Variants in SUSD4 observed in about 807,000 individuals in gnomAD.
SUSD4 encodes sushi domain-containing protein 4.
Under a neutral mutation model 50.5 loss-of-function variants are expected in SUSD4, and 41 were observed. The observed-to-expected ratio is 0.81, with a 90% CI of 0.63 to 1.05. SUSD4 has a LOEUF of 1.05. Among genes scored for constraint, SUSD4 ranks in the 50% least tolerant of loss-of-function variants. The pLI, the probability that SUSD4 is intolerant of heterozygous loss-of-function variation, is 0.00. For synonymous variants in SUSD4, 257 were observed against 257.3 expected (o/e 1.00, Z 0.01); for missense variants, 580 against 634.7 (o/e 0.91, Z 0.93).
At chr1:223,346,033 G>T (rs904128260) in intron 2 of SUSD4, among the ~76,000 whole-genome samples, 1 of 152,188 alleles carries the variant, frequency 6.6e-6, no homozygotes. Context: ...GTTGCTCAGA[G>T]TCAGCCCTAC....
chr1:223,230,503 G>A (rs928878220), intron 5 of SUSD4: 2 of 152,302 alleles, frequency 1.3e-5, no homozygotes. Context: ...GCCAGAAGAG[G>A]TGCCCTCTCC....
At chr1:223,336,988 T>C (rs1022722059) in intron 2 of SUSD4, among the ~76,000 whole-genome samples, 2 of 152,164 alleles carry the variant, frequency 1.3e-5, no homozygotes, top group Non-Finnish European at 2.9e-5. Context: ...ACCACCAGCT[T>C]TCCCACAGGA....
At chr1:223,298,434 A>G (rs1316985029) in intron 2 of SUSD4, among the ~76,000 whole-genome samples, 1 of 152,066 alleles carries the variant, frequency 6.6e-6, no homozygotes, top group African/African-American at 2.4e-5. Flanking sequence ...ACTTCCCCCA[A>G]TCCACAGCTC....
intron 2 of SUSD4, among the ~76,000 whole-genome samples, chr1:223,317,695 C>A (rs1015663101): frequency 6.6e-6 from 1 of 152,016 alleles, no homozygotes; most frequent in African/African-American, 2.4e-5. Context: ...TTCTCTTTTA[C>A]TCCCAAAAGG....
In SUSD4 at chr1:223,332,468, AG is replaced by A. The variant is rs1345939398; in HGVS notation, c.148+30809del. ...GTATCTGTAACAATTTTCAGGCACT[AG>A]CATTACCTAACACCAGCTTTCCTAG... On this transcript the variant is annotated intron_variant, in intron 2 of 8. Coordinates refer to ENST00000366878, the MANE Select transcript of SUSD4 (RefSeq NM_017982.4). The surrounding 1 kb of genome is among the most constrained non-coding windows in gnomAD (Gnocchi z 4.0). Among the ~76,000 whole-genome samples, 1 of 152,230 alleles carries A rather than the reference AG, an allele frequency of 6.6e-6. No individual in the cohort carries two copies. The highest frequency in any genetic ancestry group is 1.5e-5 in the Non-Finnish European group (1 of 68,024).
chr1:223,334,485 A>C (rs950394648), intron 2 of SUSD4, among the ~76,000 whole-genome samples: 1 of 152,204 alleles, frequency 6.6e-6, no homozygotes, highest in Non-Finnish European at 1.5e-5. Flanking sequence ...ATGAGTCTCC[A>C]AACTGACAAG....
At chr1:223,258,434 A>G (rs984474094) in intron 5 of SUSD4, among the ~76,000 whole-genome samples, 1 of 152,034 alleles carries the variant, frequency 6.6e-6, no homozygotes, top group Non-Finnish European at 1.5e-5. Flanking sequence ...TTAGGAAATC[A>G]CACTGCTGCA....
In SUSD4 at chr1:223,268,482, C is replaced by G; in HGVS notation, c.535+20G>C. ...GAGAGAATAATAGCCCAGCTGAGAA[C>G]TGAAGCATCAGTCCCGTACCTTGAC... On this transcript the variant is annotated intron_variant, in intron 4 of 8. Coordinates refer to ENST00000366878, the MANE Select transcript of SUSD4 (RefSeq NM_017982.4). 1 of 1,602,608 alleles carries G rather than the reference C, an allele frequency of 6.2e-7. No homozygotes were observed. Among genetic ancestry groups the G allele is most frequent in the African/African-American group, 1.3e-5 (1 of 74,816 alleles).
chr1:223,265,524 T>C (rs1662432455), intron 4 of SUSD4, among the ~76,000 whole-genome samples: 1 of 152,166 alleles, frequency 6.6e-6, no homozygotes, highest in Non-Finnish European at 1.5e-5. Context: ...ACTGCCAACA[T>C]CCAGGCACTG....
At chr1:223,318,031 C>G (rs1666331051) in intron 2 of SUSD4, among the ~76,000 whole-genome samples, 1 of 78,732 alleles carries the variant, frequency 1.3e-5, no homozygotes, top group Non-Finnish European at 2.5e-5. Context: ...CCACAGTCCC[C>G]AGAGTGTGAT....
chr1:223,227,617 C>G lies in SUSD4; in HGVS notation c.1038G>C (p.Lys346Asn). ...LVILARMFQT[K>N]FKAHFPPRGP... ...ACCTGGGGGGAAAGTGGGCCTTGAACTTGGTCTGGAACATCCTGGCCAGGA... is the reference window on the plus strand; with the variant it reads ...ACCTGGGGGGAAAGTGGGCCTTGAAGTTGGTCTGGAACATCCTGGCCAGGA... The change falls in exon 7 of 9, where the codon AAG becomes AAC. Residue 346 changes from lysine (K) to asparagine (N), a missense_variant. Coordinates refer to ENST00000366878, the MANE Select transcript of SUSD4 (RefSeq NM_017982.4). This position sits in a 1 kb window ranked among gnomAD's most constrained non-coding sequence, Gnocchi z 4.5. 1.9e-6 allele frequency: 3 copies of G among 1,613,904 alleles called. No homozygotes were observed. The highest frequency in any genetic ancestry group is 2.5e-6 in the Non-Finnish European group (3 of 1,179,938).
At chr1:223,224,125 C>T (rs1382940647) in intron 7 of SUSD4, among the ~76,000 whole-genome samples, 2 of 152,084 alleles carry the variant, frequency 1.3e-5, no homozygotes, top group Admixed American at 1.3e-4. Context: ...TTGCTTGAGC[C>T]CAGGAGTTTG....
At chr1:223,337,152 T>C (rs943398898) in intron 2 of SUSD4, among the ~76,000 whole-genome samples, 1 of 152,212 alleles carries the variant, frequency 6.6e-6, no homozygotes, top group Non-Finnish European at 1.5e-5. Context: ...TTTGTAGAGC[T>C]CAAGTATTAG....
chr1:223,341,151 A>G (rs1213013156), intron 2 of SUSD4, among the ~76,000 whole-genome samples: 1 of 152,154 alleles, frequency 6.6e-6, no homozygotes, highest in Non-Finnish European at 1.5e-5. Context: ...CCCAAAGGTA[A>G]CAAGAACTGT....
intron 2 of SUSD4, among the ~76,000 whole-genome samples, chr1:223,352,981 CT>C (rs1013612770): frequency 1.9e-4 from 29 of 152,082 alleles, no homozygotes; most frequent in Non-Finnish European, 4.0e-4. Context: ...TCCGGAGCAC[CT>C]ATAACAAATC....
intron 2 of SUSD4, among the ~76,000 whole-genome samples, chr1:223,336,324 G>A (rs1185256320): frequency 6.6e-6 from 1 of 152,192 alleles, no homozygotes; most frequent in Non-Finnish European, 1.5e-5. Context: ...GGGAAATGGG[G>A]AAGGAAACTG....
At chr1:223,233,069 T>G (rs1659997365) in intron 5 of SUSD4, among the ~76,000 whole-genome samples, 1 of 152,232 alleles carries the variant, frequency 6.6e-6, no homozygotes, top group African/African-American at 2.4e-5. Context: ...TTAGGATACC[T>G]GGGATTGCAC....
intron 2 of SUSD4, among the ~76,000 whole-genome samples, chr1:223,297,512 A>T (rs1268270697): frequency 2.6e-5 from 4 of 152,154 alleles, no homozygotes; most frequent in Non-Finnish European, 5.9e-5. Flanking sequence ...TGAACAAAGG[A>T]CTTGTCTCCT....
chr1:223,327,921 G>A (rs74465968), intron 2 of SUSD4, among the ~76,000 whole-genome samples: 2 of 152,098 alleles, frequency 1.3e-5, no homozygotes, highest in Non-Finnish European at 1.5e-5. Flanking sequence ...TTCCTGAAGG[G>A]TGATGTCTTG....
Sources: allele counts gnomAD v4.1 joint callset (sites outside exome capture counted in the v4.1 genomes callset), GRCh38; gene constraint gnomAD v4.1.1; non-coding constraint Gnocchi (gnomAD v3.1); transcripts MANE v1.5; gene names NCBI Gene and HGNC (gene_info 2026-07-23, HGNC 2026-07-21).